The following TMEM178B variants were observed in gnomAD, a reference collection of about 807,000 sequenced individuals.
The protein encoded by TMEM178B is transmembrane protein 178B.
Under a neutral mutation model 31.0 loss-of-function variants are expected in TMEM178B, and 5 were observed. The observed-to-expected ratio is 0.16, with a 90% CI of 0.08 to 0.34. TMEM178B has a LOEUF of 0.34. TMEM178B is among the 10% of genes least tolerant of loss of function. The pLI is 1.00. For synonymous variants in TMEM178B, 164 were observed against 164.0 expected (o/e 1.00, Z 0.00); for missense variants, 275 against 400.3 (o/e 0.69, Z 2.67).
intron 2 of TMEM178B, among the ~76,000 whole-genome samples, chr7:141,380,128 G>A (rs1198901552): frequency 6.6e-6 from 1 of 152,278 alleles, no homozygotes; most frequent in East Asian, 1.9e-4. Context: ...ACAAAATGTT[G>A]AGGTCTAGAT....
At chr7:141,248,487 GT>G (rs1430714127) in intron 2 of TMEM178B, among the ~76,000 whole-genome samples, 12 of 152,320 alleles carry the variant, frequency 7.9e-5, no homozygotes, top group African/African-American at 2.9e-4. Flanking sequence ...TGTTGTTGCT[GT>G]GTCAACATCC....
intron 3 of TMEM178B, among the ~76,000 whole-genome samples, chr7:141,451,679 GGTTCT>G (rs1256567556): frequency 6.6e-6 from 1 of 152,160 alleles, no homozygotes; most frequent in East Asian, 1.9e-4. Flanking sequence ...AGAGGAAGCT[GGTTCT>G]GTTCATAAAA....
chr7:141,207,686 C>G (rs1247880238), intron 1 of TMEM178B, among the ~76,000 whole-genome samples: 1 of 152,084 alleles, frequency 6.6e-6, no homozygotes, highest in African/African-American at 2.4e-5. Flanking sequence ...CCTTAATTAC[C>G]TGTGTCTTGC....
chr7:141,492,477 C>T, the TMEM178B span, among the ~76,000 whole-genome samples: 1 of 152,316 alleles, frequency 6.6e-6, no homozygotes, highest in African/African-American at 2.4e-5. Context: ...AACTCTGCAG[C>T]CCCTGAGCCT....
chr7:141,393,149 C>T (rs1800576491), intron 2 of TMEM178B, among the ~76,000 whole-genome samples: 1 of 152,110 alleles, frequency 6.6e-6, no homozygotes, highest in Non-Finnish European at 1.5e-5. Flanking sequence ...AGAGAACTTG[C>T]TTCTGGGGAA....
intron 2 of TMEM178B, among the ~76,000 whole-genome samples, chr7:141,331,429 G>A (rs1799298887): frequency 6.6e-6 from 1 of 152,142 alleles, no homozygotes; most frequent in South Asian, 2.1e-4. Flanking sequence ...AGCCTTTTGA[G>A]GGGAGGAAAT....
intron 1 of TMEM178B, among the ~76,000 whole-genome samples, chr7:141,210,648 A>G (rs1797038901): frequency 1.3e-5 from 2 of 152,180 alleles, no homozygotes. Context: ...TCAGTGCCCT[A>G]GGAGCCTGGA....
At chr7:141,201,864 A>G (rs1003687118) in intron 1 of TMEM178B, among the ~76,000 whole-genome samples, 3 of 152,206 alleles carry the variant, frequency 2.0e-5, no homozygotes, top group African/African-American at 7.2e-5. Context: ...CTGCAAATGG[A>G]AAAGTTTTAC....
In TMEM178B at chr7:141,074,346, C is replaced by A. The variant is rs1794560115; in HGVS notation, c.36C>A (p.Leu12=). The change falls in exon 1 of 4, where the codon CTC becomes CTA. Residue 12 remains leucine, a synonymous_variant. Coordinates refer to ENST00000565468, the MANE Select transcript of TMEM178B (RefSeq NM_001195278.2). This position sits in a 1 kb window ranked among gnomAD's most constrained non-coding sequence, Gnocchi z 5.1. ...GAAGGTTACTGCTCTACACTGGCCT[C>A]TCGCTAGCGCTCTGCGCCCTCGGCA... The part of the protein sequence containing the change: ...AAGRLLLYTG[L]SLALCALGML... The A allele has an allele frequency of 1.3e-6, 2 of 1,535,898 alleles. No individual in the cohort carries two copies. Among genetic ancestry groups the A allele is most frequent in the African/African-American group, 1.4e-5 (1 of 73,068 alleles).
At chr7:141,287,702 C>T (rs1798469015) in intron 2 of TMEM178B, among the ~76,000 whole-genome samples, 1 of 152,138 alleles carries the variant, frequency 6.6e-6, no homozygotes, top group Admixed American at 6.5e-5. Flanking sequence ...TGAAAATGTC[C>T]CCAGACATGG....
chr7:141,187,267 G>A (rs949401274), intron 1 of TMEM178B, among the ~76,000 whole-genome samples: 3 of 151,808 alleles, frequency 2.0e-5, no homozygotes, highest in Non-Finnish European at 4.4e-5. Context: ...CAAAGGACAT[G>A]AGCTCATCAT....
chr7:141,466,235 G>T (rs1289650088), intron 3 of TMEM178B, among the ~76,000 whole-genome samples: 1 of 152,172 alleles, frequency 6.6e-6, no homozygotes, highest in Non-Finnish European at 1.5e-5. Flanking sequence ...GCTAACAGAA[G>T]GAATTTCAAA....
At chr7:141,482,275 C>T (rs1802491604), downstream of TMEM178B, among the ~76,000 whole-genome samples, 1 of 152,214 alleles carries the variant, frequency 6.6e-6, no homozygotes, top group Non-Finnish European at 1.5e-5. Flanking sequence ...CAGGGTGGTT[C>T]ATAGAGGGCA....
chr7:141,449,534 C>G (rs908871482), intron 3 of TMEM178B, among the ~76,000 whole-genome samples: 1 of 152,146 alleles, frequency 6.6e-6, no homozygotes, highest in Non-Finnish European at 1.5e-5. Context: ...AGGATGGAAT[C>G]GAAGCCACCG....
intron 2 of TMEM178B, among the ~76,000 whole-genome samples, chr7:141,324,848 G>A (rs1228533577): frequency 6.6e-6 from 1 of 151,938 alleles, no homozygotes; most frequent in Non-Finnish European, 1.5e-5. Context: ...ATGTCCCTTT[G>A]CATAAAAACA....
In TMEM178B at chr7:141,470,803, T is replaced by C. The variant is rs1393330991; in HGVS notation, c.*17T>C. The C allele has an allele frequency of 9.0e-6, 10 of 1,116,716 alleles. No individual in the cohort carries two copies. The highest frequency in any genetic ancestry group is 1.1e-5 in the Non-Finnish European group (10 of 888,928). The allele number at this position is 1,116,716 out of a possible 1,614,324, so 69.2% of individuals were successfully genotyped here. Reference sequence around the variant, plus strand: ...GTGTGCTAAAAAACAAACCCATACATACATATATATATATAAATATATATA... The same window carrying C: ...GTGTGCTAAAAAACAAACCCATACACACATATATATATATAAATATATATA... On this transcript the variant is annotated 3_prime_UTR_variant, in exon 4 of 4. Coordinates refer to ENST00000565468, the MANE Select transcript of TMEM178B (RefSeq NM_001195278.2).
chr7:141,496,486 C>T, the TMEM178B span, among the ~76,000 whole-genome samples: 3 of 148,592 alleles, frequency 2.0e-5, no homozygotes, highest in Non-Finnish European at 4.4e-5. Flanking sequence ...CCGGCTAAAA[C>T]GGTGAAACCC....
chr7:141,434,191 G>T (rs1298647747), intron 2 of TMEM178B, among the ~76,000 whole-genome samples: 2 of 151,884 alleles, frequency 1.3e-5, no homozygotes, highest in Admixed American at 1.3e-4. Context: ...TTGTTTTTCT[G>T]CCCAGCCCAC....
chr7:141,411,676 T>C (rs949933093), intron 2 of TMEM178B, among the ~76,000 whole-genome samples: 2 of 152,216 alleles, frequency 1.3e-5, no homozygotes, highest in African/African-American at 4.8e-5. Context: ...AACTCACCCA[T>C]TCATTCAGCA....
Sources: allele counts gnomAD v4.1 joint callset (sites outside exome capture counted in the v4.1 genomes callset), GRCh38; gene constraint gnomAD v4.1.1; non-coding constraint Gnocchi (gnomAD v3.1); transcripts MANE v1.5; gene names NCBI Gene and HGNC (gene_info 2026-07-23, HGNC 2026-07-21).